The following BICD1 variants were observed in gnomAD, a reference collection of about 807,000 sequenced individuals.
BICD1 encodes the protein protein bicaudal D homolog 1.
BICD1 carries 35 observed loss-of-function variants against 92.5 expected under a neutral mutation model. The observed-to-expected ratio is 0.38, with a 90% confidence interval of 0.29 to 0.50. The LOEUF is 0.50. BICD1 is among the 20% of genes least tolerant of loss of function. The probability of loss-of-function intolerance (pLI) is 0.93; values close to 1 mark genes in which losing one functional copy is unlikely to be tolerated. For missense variants in BICD1, 950 were observed against 1,189.8 expected (o/e 0.80, Z 2.97); for synonymous variants, 429 against 465.1 (o/e 0.92, Z 1.00).
At chr12:32,151,809 T>C (rs971488148) in intron 1 of BICD1, among the ~76,000 whole-genome samples, 1 of 152,218 alleles carries the variant, frequency 6.6e-6, no homozygotes, top group Non-Finnish European at 1.5e-5. Flanking sequence ...TACCTCTGCC[T>C]GCACATCTGC....
chr12:32,185,861 C>T (rs562164962), intron 1 of BICD1, among the ~76,000 whole-genome samples: 8 of 152,342 alleles, frequency 5.3e-5, no homozygotes, highest in East Asian at 1.9e-4. Flanking sequence ...GTGCTCACCA[C>T]GCCATTTCAT....
intron 4 of BICD1, among the ~76,000 whole-genome samples, chr12:32,316,054 T>C (rs1419315745): frequency 6.6e-6 from 1 of 150,958 alleles, no homozygotes; most frequent in East Asian, 2.0e-4. Flanking sequence ...GAGAATTGCT[T>C]GAACCCAGGA....
In BICD1 at chr12:32,328,365, A is replaced by G; in HGVS notation, c.1910A>G (p.Lys637Arg). ...NLNAIIRDQI[K>R]HLQKAVDRSL... ...AATGCCATAATCCGGGACCAAATCA[A>G]GCATCTGCAGAAAGCTGTGGACCGG... The change falls in exon 5 of 10, where the codon AAG becomes AGG. Residue 637 changes from lysine (K) to arginine (R), a missense_variant. By Grantham distance (26) the Lys-to-Arg change is conservative. This residue lies in a region of BICD1 where 309 missense variants were observed against 499.4 expected (regional missense o/e 0.62). Coordinates refer to ENST00000652176, the MANE Select transcript of BICD1 (RefSeq NM_001714.4). This position sits in a 1 kb window ranked among gnomAD's most constrained non-coding sequence, Gnocchi z 4.4. The G allele has an allele frequency of 6.2e-7, 1 of 1,614,238 alleles. No individual in the cohort carries two copies. Among genetic ancestry groups the G allele is most frequent in the Non-Finnish European group, 8.5e-7 (1 of 1,180,036 alleles).
At chr12:32,233,683 CA>C (rs1329328639) in intron 2 of BICD1, among the ~76,000 whole-genome samples, 5 of 152,216 alleles carry the variant, frequency 3.3e-5, no homozygotes, top group South Asian at 2.1e-4. Flanking sequence ...AAAAATAGCT[CA>C]ATTTGGTTTC....
intron 1 of BICD1, among the ~76,000 whole-genome samples, chr12:32,212,759 C>T (rs1158575335): frequency 6.6e-6 from 1 of 152,188 alleles, no homozygotes; most frequent in East Asian, 1.9e-4. Context: ...GTAATAAAAT[C>T]ACAAGTTATG....
At chr12:32,339,993 A>G in intron 8 of BICD1, 4 of 858,038 alleles carry the variant, frequency 4.7e-6, no homozygotes, top group Non-Finnish European at 5.6e-6. Flanking sequence ...TGCCACAGTC[A>G]CCACTCCTCC....
intron 2 of BICD1, among the ~76,000 whole-genome samples, chr12:32,227,230 G>C (rs1193092059): frequency 6.6e-6 from 1 of 152,206 alleles, no homozygotes; most frequent in Non-Finnish European, 1.5e-5. Flanking sequence ...GGAAAGCTGG[G>C]GGCCAGGGGC....
At chr12:32,269,469 A>T (rs947580649) in intron 2 of BICD1, among the ~76,000 whole-genome samples, 3 of 152,242 alleles carry the variant, frequency 2.0e-5, no homozygotes, top group African/African-American at 7.2e-5. Flanking sequence ...AATTCTCCAT[A>T]TGCAAAAAAG....
chr12:32,213,856 T>C (rs559366865), intron 1 of BICD1, among the ~76,000 whole-genome samples: 3 of 152,358 alleles, frequency 2.0e-5, no homozygotes, highest in African/African-American at 7.2e-5. Flanking sequence ...GGGGAGATGC[T>C]TTAAGACTCT....
chr12:32,215,942 A>T (rs904456766), intron 1 of BICD1, among the ~76,000 whole-genome samples: 1 of 119,812 alleles, frequency 8.3e-6, no homozygotes, highest in Non-Finnish European at 1.7e-5. Flanking sequence ...CGACAGAGCG[A>T]GACTCCGTCT....
In BICD1 at chr12:32,338,894, T is replaced by G; in HGVS notation, c.2679T>G (p.Phe893Leu). ...VPPDPTSTESFLLKGPPSMSE... is the reference protein window; with the variant it reads ...VPPDPTSTESLLLKGPPSMSE... ...CTGATCCCACCTCCACAGAATCATTTCTTCTGAAGGGCCCCCCTTCCATGA... is the reference window on the plus strand; with the variant it reads ...CTGATCCCACCTCCACAGAATCATTGCTTCTGAAGGGCCCCCCTTCCATGA... The change falls in exon 8 of 10, where the codon TTT becomes TTG. Residue 893 changes from phenylalanine to leucine, a missense_variant. Physicochemically the swap from Phe to Leu is conservative, Grantham distance 22 (BLOSUM62 0). This residue lies in a region of BICD1 where 179 missense variants were observed against 186.7 expected (regional missense o/e 0.96). Transcript: ENST00000652176. The G allele has an allele frequency of 2.5e-6, 4 of 1,610,184 alleles. No homozygotes were observed. In the South Asian group the frequency reaches 4.4e-5, roughly 18 times the overall value.
At position 32,262,112 on chromosome 12, in the gene BICD1, C is replaced by T. The variant is rs576546081; in HGVS notation, c.427-31882C>T. Among the ~76,000 whole-genome samples, 18 of 152,322 alleles carry T rather than the reference C, an allele frequency of 1.2e-4. No homozygotes were observed. In the South Asian group the frequency reaches 3.7e-3, roughly 32 times the overall value. ...TTGTTATATGCTTTATGTGCATTAC[C>T]TATAAATGTCCTTAAACTTTTATCA... On this transcript the variant is annotated intron_variant, in intron 2 of 9. Coordinates refer to ENST00000652176, the MANE Select transcript of BICD1 (RefSeq NM_001714.4).
Position 32,337,938 on chromosome 12 carries a change from C to A in BICD1, c.2570+122C>A. 9.2e-7 allele frequency: 1 copy of A among 1,092,082 alleles called. No individual in the cohort carries two copies. Among genetic ancestry groups the A allele is most frequent in the East Asian group, 2.5e-5 (1 of 39,650 alleles). 67.6% of individuals were successfully genotyped at this position (1,092,082 alleles called of 1,614,324 possible). On this transcript the variant is annotated intron_variant, in intron 7 of 9. Transcript: ENST00000652176. The surrounding 1 kb of genome is among the most constrained non-coding windows in gnomAD (Gnocchi z 4.7). ...AAGCAAAAGAAAAAATGGGAGCTGG[C>A]ATATAAATGGTCTTGCTAATGTGGG...
chr12:32,338,823 A>G lies in BICD1; in HGVS notation c.2608A>G (p.Arg870Gly). Reference sequence around the variant, plus strand: ...TTCCCTTTGTGATCAGAGCCGTCCCAGGACTTCAGGGGCTTCCTACCTACA... The same window carrying G: ...TTCCCTTTGTGATCAGAGCCGTCCCGGGACTTCAGGGGCTTCCTACCTACA... ...SPSLCDQSRP[R>G]TSGASYLQNL... The change falls in exon 8 of 10, where the codon AGG (arginine) becomes GGG (glycine). Residue 870 changes from arginine to glycine, a missense_variant. Arg to Gly is a moderately radical substitution (Grantham distance 125). This residue lies in a region of BICD1 where 179 missense variants were observed against 186.7 expected (regional missense o/e 0.96). Transcript: ENST00000652176. The G allele has an allele frequency of 6.2e-7, 1 of 1,604,742 alleles. No individual in the cohort carries two copies.
At chr12:32,216,726 G>A (rs1394959466) in intron 2 of BICD1, among the ~76,000 whole-genome samples, 2 of 152,132 alleles carry the variant, frequency 1.3e-5, no homozygotes, top group East Asian at 1.9e-4. Flanking sequence ...TTCTGCAAAG[G>A]TATTTTAAAA....
intron 3 of BICD1, among the ~76,000 whole-genome samples, chr12:32,298,606 C>T (rs1592633310): frequency 1.5e-5 from 2 of 136,752 alleles, no homozygotes; most frequent in Non-Finnish European, 3.1e-5. Flanking sequence ...CATGGTGGCT[C>T]ATGCCTGTAA....
chr12:32,374,066 T>C (rs1939837715), intron 9 of BICD1, among the ~76,000 whole-genome samples: 1 of 151,306 alleles, frequency 6.6e-6, no homozygotes, highest in Admixed American at 6.6e-5. Flanking sequence ...ATACAAAAAT[T>C]AGCCAGGTGT....
intron 1 of BICD1, among the ~76,000 whole-genome samples, chr12:32,201,805 T>C (rs952954231): frequency 3.9e-5 from 6 of 152,286 alleles, no homozygotes; most frequent in African/African-American, 1.2e-4. Context: ...ACACAATCTT[T>C]GAAAAATCTG....
intron 9 of BICD1, chr12:32,368,085 C>A: frequency 4.6e-6 from 1 of 217,704 alleles, no homozygotes; most frequent in East Asian, 9.5e-5. Context: ...TTTTTATTTT[C>A]TTTTGTCTTT....
Sources: allele counts gnomAD v4.1 joint callset (sites outside exome capture counted in the v4.1 genomes callset), GRCh38; gene constraint gnomAD v4.1.1; regional missense constraint gnomAD v4.1.1; non-coding constraint Gnocchi (gnomAD v3.1); transcripts MANE v1.5; gene names NCBI Gene and HGNC (gene_info 2026-07-23, HGNC 2026-07-21).